LHFPL2: variants seen among roughly 807,000 people sequenced by gnomAD.
The protein encoded by LHFPL2 is LHFPL tetraspan subfamily member 2 protein.
In LHFPL2, 7 loss-of-function variants were observed where a neutral mutation model predicts 17.5. The ratio of observed to expected loss-of-function variants is 0.40; its 90% confidence interval spans 0.23 to 0.75. The LOEUF is 0.75. Among genes scored for constraint, LHFPL2 ranks in the 30% least tolerant of loss-of-function variants. The probability of loss-of-function intolerance (pLI) is 0.37; values close to 1 mark genes in which losing one functional copy is unlikely to be tolerated. For synonymous variants in LHFPL2, 134 were observed against 116.2 expected (o/e 1.15, Z -0.99); for missense variants, 241 against 294.8 (o/e 0.82, Z 1.34).
chr5:78,519,991 T>C lies in LHFPL2; in HGVS notation c.-185-9593A>G, dbSNP rs147352120. ...CGCTCTAGCATTAACTAGCTCTGTG[T>C]CTTTGGGCAATAAACGTCACCTCTC... On this transcript the variant is annotated intron_variant, in intron 3 of 4. Coordinates refer to ENST00000380345, the MANE Select transcript of LHFPL2 (RefSeq NM_005779.3). Among the ~76,000 whole-genome samples the C allele has an allele frequency of 8.3e-3, 1,264 of 151,378 alleles. 9 individuals carry two copies. Among genetic ancestry groups the C allele is most frequent in the Non-Finnish European group, 0.013 (865 of 68,028 alleles).
chr5:78,516,337 A>G (rs1285789113), intron 3 of LHFPL2, among the ~76,000 whole-genome samples: 1 of 152,062 alleles, frequency 6.6e-6, no homozygotes, highest in Non-Finnish European at 1.5e-5. Context: ...CCCATCTCTG[A>G]CTTCTGGGAA....
chr5:78,516,092 G>C (rs142717276), intron 3 of LHFPL2, among the ~76,000 whole-genome samples: 2 of 152,224 alleles, frequency 1.3e-5, no homozygotes, highest in Non-Finnish European at 2.9e-5. Context: ...GGCACAAAAA[G>C]TACAGGACTT....
chr5:78,566,685 T>C (rs1350363953), intron 2 of LHFPL2, among the ~76,000 whole-genome samples: 1 of 152,204 alleles, frequency 6.6e-6, no homozygotes, highest in Non-Finnish European at 1.5e-5. Flanking sequence ...CTTGAACTCC[T>C]GACCTCAAGT....
intron 4 of LHFPL2, among the ~76,000 whole-genome samples, chr5:78,502,853 C>T (rs1361440088): frequency 2.0e-5 from 3 of 152,206 alleles, no homozygotes; most frequent in Non-Finnish European, 4.4e-5. Flanking sequence ...CTCTGTCACT[C>T]TGAACACACA....
At chr5:78,561,719 T>A (rs1211897115) in intron 3 of LHFPL2, among the ~76,000 whole-genome samples, 3 of 152,224 alleles carry the variant, frequency 2.0e-5, no homozygotes, top group Non-Finnish European at 2.9e-5. Flanking sequence ...AGGTGCTAGT[T>A]CTGTATGCCC....
At chr5:78,625,228 C>T (rs893410114) in intron 2 of LHFPL2, 3 of 152,246 alleles carry the variant, frequency 2.0e-5, no homozygotes, top group African/African-American at 7.2e-5. Flanking sequence ...CACACACACA[C>T]ACACCCCTCT....
intron 3 of LHFPL2, among the ~76,000 whole-genome samples, chr5:78,549,627 G>C (rs1284103979): frequency 6.6e-6 from 1 of 152,168 alleles, no homozygotes; most frequent in Non-Finnish European, 1.5e-5. Flanking sequence ...AATAAATTCT[G>C]CTCGATTTTC....
At chr5:78,572,519 C>CAT (rs202198749) in intron 2 of LHFPL2, among the ~76,000 whole-genome samples, 39 of 60,040 alleles carry the variant, frequency 6.5e-4, no homozygotes, top group Non-Finnish European at 1.1e-3. Context: ...TATACACACA[C>CAT]ATATATATAT....
chr5:78,594,234 G>C (rs150726648), intron 2 of LHFPL2, among the ~76,000 whole-genome samples: 56 of 152,268 alleles, frequency 3.7e-4, no homozygotes, highest in Non-Finnish European at 5.4e-4. Flanking sequence ...AAGACATTCG[G>C]CCCTATGTAG....
chr5:78,555,438 C>CTGTT (rs1756546788), intron 3 of LHFPL2, among the ~76,000 whole-genome samples: 1 of 152,186 alleles, frequency 6.6e-6, no homozygotes, highest in African/African-American at 2.4e-5. Context: ...CAGACATTCA[C>CTGTT]TCATTCTGGA....
chr5:78,499,448 G>GT (rs1282970553), intron 4 of LHFPL2, among the ~76,000 whole-genome samples: 4 of 152,212 alleles, frequency 2.6e-5, no homozygotes, highest in African/African-American at 9.6e-5. Flanking sequence ...GCTAAGTAGG[G>GT]TTACACAGTT....
rs565629220 is a variant in LHFPL2 at position 78,505,259 on chromosome 5, C to T, written c.430+4525G>A. ...AAGCCAACCCTGCTGGCTGATCACC[C>T]GGCTTTTGTAATGAATCCCAGAGGG... On this transcript the variant is annotated intron_variant, in intron 4 of 4. Transcript: ENST00000380345. Among the ~76,000 whole-genome samples the T allele has an allele frequency of 5.3e-5, 8 of 152,346 alleles. No individual in the cohort carries two copies. The South Asian group carries it at 1.0e-3, about 20-fold the overall frequency.
intron 2 of LHFPL2, among the ~76,000 whole-genome samples, chr5:78,600,353 G>A (rs1007184146): frequency 6.0e-5 from 9 of 150,970 alleles, no homozygotes; most frequent in African/African-American, 2.2e-4. Context: ...GGTTACAGGT[G>A]ATTAAAAAAA....
chr5:78,610,480 G>A (rs1026924329), intron 2 of LHFPL2, among the ~76,000 whole-genome samples: 1 of 152,194 alleles, frequency 6.6e-6, no homozygotes, highest in Non-Finnish European at 1.5e-5. Flanking sequence ...ATTCCACTCG[G>A]AAGCCAAGGG....
intron 3 of LHFPL2, among the ~76,000 whole-genome samples, chr5:78,544,443 T>C (rs563904848): frequency 6.6e-6 from 1 of 152,212 alleles, no homozygotes; most frequent in Non-Finnish European, 1.5e-5. Flanking sequence ...TGAATTGACA[T>C]AGTAGGGGAC....
At chr5:78,531,710 A>G (rs1402883242) in intron 3 of LHFPL2, among the ~76,000 whole-genome samples, 1 of 152,106 alleles carries the variant, frequency 6.6e-6, no homozygotes, top group Non-Finnish European at 1.5e-5. Context: ...CTGCAGATAC[A>G]GTGGCCAATG....
chr5:78,537,181 C>A (rs1374501863), intron 3 of LHFPL2, among the ~76,000 whole-genome samples: 1 of 152,220 alleles, frequency 6.6e-6, no homozygotes, highest in Non-Finnish European at 1.5e-5. Context: ...GGCCCCAGAT[C>A]TGAGATCCAC....
intron 4 of LHFPL2, among the ~76,000 whole-genome samples, chr5:78,492,455 G>A (rs1051166965): frequency 6.6e-6 from 1 of 152,178 alleles, no homozygotes; most frequent in African/African-American, 2.4e-5. Context: ...GCTGTCTTGG[G>A]TTCTCTGGGG....
chr5:78,627,086 AAAC>A (rs893900133), intron 2 of LHFPL2, among the ~76,000 whole-genome samples: 41 of 121,568 alleles, frequency 3.4e-4, no homozygotes, highest in Middle Eastern at 3.6e-3. Flanking sequence ...CATTTCAAAA[AAAC>A]AACAACAACA....
Sources: allele counts gnomAD v4.1 joint callset (sites outside exome capture counted in the v4.1 genomes callset), GRCh38; gene constraint gnomAD v4.1.1; transcripts MANE v1.5; gene names NCBI Gene and HGNC (gene_info 2026-07-23, HGNC 2026-07-21).